TSG101: variants seen among roughly 807,000 people sequenced by gnomAD.
The protein encoded by TSG101 is tumor susceptibility 101.
A neutral mutation model predicts 48.5 loss-of-function variants in TSG101; 19 were observed. The observed-to-expected ratio is 0.39, with a 90% CI of 0.27 to 0.58. The LOEUF (loss-of-function observed/expected upper bound fraction) is 0.58, where lower values mean the gene tolerates loss of function less well. Among genes scored for constraint, TSG101 ranks in the 20% least tolerant of loss-of-function variants. The pLI is 0.55. For synonymous variants in TSG101, 174 were observed against 169.4 expected (o/e 1.03, Z -0.21); for missense variants, 365 against 484.4 (o/e 0.75, Z 2.31).
intron 4 of TSG101, among the ~76,000 whole-genome samples, 158 bp downstream of exon 4, chr11:18,514,520 A>G (rs1378436304): frequency 6.6e-6 from 1 of 152,250 alleles, no homozygotes; most frequent in Non-Finnish European, 1.5e-5. Flanking sequence ...CATTTCTTTT[A>G]GTCAGCCTTT....
intron 7 of TSG101, among the ~76,000 whole-genome samples, chr11:18,491,400 T>C (rs954985424): frequency 2.0e-5 from 3 of 152,140 alleles, no homozygotes; most frequent in African/African-American, 7.2e-5. Flanking sequence ...TATGACCAAG[T>C]CCTGATAAAA....
chr11:18,483,276 C>G (rs1849571132), intron 8 of TSG101, among the ~76,000 whole-genome samples: 1 of 152,054 alleles, frequency 6.6e-6, no homozygotes, highest in Admixed American at 6.6e-5. Context: ...GGGTGGATCA[C>G]CTGAGATCAG....
chr11:18,496,651 C>G (rs1849788328), intron 7 of TSG101, among the ~76,000 whole-genome samples: 1 of 151,896 alleles, frequency 6.6e-6, no homozygotes, highest in Non-Finnish European at 1.5e-5. Flanking sequence ...CAAAAATTAG[C>G]CGGGCATGGT....
chr11:18,494,931 T>G (rs1459383069), intron 7 of TSG101, among the ~76,000 whole-genome samples: 1 of 152,204 alleles, frequency 6.6e-6, no homozygotes, highest in Non-Finnish European at 1.5e-5. Flanking sequence ...TAAGCTCTCT[T>G]ATTTTTCTTC....
intron 1 of TSG101, among the ~76,000 whole-genome samples, chr11:18,523,494 A>ATTT (rs1436655894): frequency 4.6e-5 from 7 of 151,852 alleles, no homozygotes; most frequent in Non-Finnish European, 1.0e-4. Context: ...TCTTTATTTT[A>ATTT]TTATTTTTAT....
chr11:18,519,907 C>G (rs77467392), intron 1 of TSG101, among the ~76,000 whole-genome samples: 1 of 152,120 alleles, frequency 6.6e-6, no homozygotes, highest in Non-Finnish European at 1.5e-5. Context: ...CCATTAATAG[C>G]TTTTTAAAGA....
chr11:18,490,369 T>C (rs1036568582), intron 7 of TSG101: 9 of 604,482 alleles, frequency 1.5e-5, no homozygotes, highest in East Asian at 8.7e-5. Flanking sequence ...AATTCAGTAA[T>C]TGCTTCATCA....
chr11:18,502,863 ACAGCAT>A (rs1407368507), intron 6 of TSG101, among the ~76,000 whole-genome samples: 1 of 152,226 alleles, frequency 6.6e-6, no homozygotes, highest in Non-Finnish European at 1.5e-5. Context: ...GGACAATCCA[ACAGCAT>A]CAGAAGCAAC....
In TSG101 at chr11:18,516,032, C is replaced by T. The variant is rs992018702; in HGVS notation, c.193+67G>A. 6 of 1,424,872 alleles carry T rather than the reference C, an allele frequency of 4.2e-6. No individual in the cohort carries two copies. In the Admixed American group the frequency reaches 9.4e-5, roughly 22 times the overall value. 88.3% of individuals were successfully genotyped at this position (1,424,872 alleles called of 1,614,324 possible). A position where few individuals can be genotyped will look rare whatever the true frequency, so the allele number is the denominator to read the frequency against. Reference sequence around the variant, plus strand: ...GAAAGTAGGTTTAATTTGGTTATAACTCTTTGGCAACATATTTATTATGTA... The same window carrying T: ...GAAAGTAGGTTTAATTTGGTTATAATTCTTTGGCAACATATTTATTATGTA... On this transcript the variant is annotated intron_variant, in intron 3 of 9. Transcript: ENST00000251968.
chr11:18,487,769 C>T (rs1222027939), intron 7 of TSG101, among the ~76,000 whole-genome samples: 1 of 152,198 alleles, frequency 6.6e-6, no homozygotes, highest in Non-Finnish European at 1.5e-5. Flanking sequence ...AGTGGTGGCC[C>T]AGCTCATGCT....
chr11:18,493,266 A>T (rs1278775499), intron 7 of TSG101, among the ~76,000 whole-genome samples: 1 of 152,182 alleles, frequency 6.6e-6, no homozygotes, highest in Non-Finnish European at 1.5e-5. Flanking sequence ...GTATTAGGAA[A>T]CCAACACTCT....
intron 8 of TSG101, among the ~76,000 whole-genome samples, chr11:18,483,088 C>T (rs948498666): frequency 2.0e-5 from 3 of 152,046 alleles, no homozygotes; most frequent in African/African-American, 7.2e-5. Context: ...GTAATTGAAT[C>T]ATGGGAGCCG....
intron 7 of TSG101, among the ~76,000 whole-genome samples, chr11:18,488,507 T>C (rs1284818463): frequency 6.6e-6 from 1 of 152,166 alleles, no homozygotes; most frequent in Non-Finnish European, 1.5e-5. Flanking sequence ...CTAAAAAGCA[T>C]GATCAGGGCC....
At chr11:18,510,293 C>T (rs1026226106) in intron 4 of TSG101, among the ~76,000 whole-genome samples, 6 of 151,890 alleles carry the variant, frequency 4.0e-5, no homozygotes, top group East Asian at 1.9e-4. Context: ...TGGTGATGTG[C>T]GTCTATGGTC....
At chr11:18,481,537 T>C in intron 9 of TSG101, 93 bp downstream of exon 9, 7 of 1,519,078 alleles carry the variant, frequency 4.6e-6, no homozygotes, top group Non-Finnish European at 4.4e-6. Context: ...TCTTAATCCA[T>C]ACTACAAAGA....
At chr11:18,524,844 TA>T (rs928273974) in intron 1 of TSG101, among the ~76,000 whole-genome samples, 1 of 151,908 alleles carries the variant, frequency 6.6e-6, no homozygotes. Flanking sequence ...AATTAGGGTA[TA>T]AAAAATAAGC....
chr11:18,509,557 T>C lies in TSG101; in HGVS notation c.466A>G (p.Thr156Ala), dbSNP rs754887074. Residue 156 changes from threonine to alanine, a missense_variant, in exon 5 of 10, where the codon ACG becomes GCG. Transcript: ENST00000251968. ...TTCTACTTACTATTTGGTGGCCCCG[T>C]TGCCTGGTATGGCGGATAGGATGCC... ...ISASYPPYQA[T>A]GPPNTSYMPG... The C allele has an allele frequency of 9.9e-6, 16 of 1,613,492 alleles. No homozygotes were observed. Among genetic ancestry groups the C allele is most frequent in the Non-Finnish European group, 1.3e-5 (15 of 1,179,646 alleles).
chr11:18,487,331 C>T (rs1849634133), intron 7 of TSG101, among the ~76,000 whole-genome samples: 1 of 151,714 alleles, frequency 6.6e-6, no homozygotes, highest in African/African-American at 2.4e-5. Context: ...AAGAATACTA[C>T]CATAATTACC....
rs1160424288 is a variant in TSG101 at position 18,499,402 on chromosome 11, A to AT, written c.640+3083dup. Among the ~76,000 whole-genome samples, 22 of 5,454 alleles carry AT rather than the reference A, an allele frequency of 4.0e-3. 1 individual carries two copies. Among genetic ancestry groups the AT allele is most frequent in the South Asian group, 0.022 (2 of 92 alleles). The allele number at this position is 5,454 out of a possible 152,430, so 3.6% of individuals were successfully genotyped here. ...TTTAAATATATATATATATATATAT[A>AT]TTTTTTTTTTTTTTTTTTTTTTTCC... On this transcript the variant is annotated intron_variant, in intron 7 of 9. Transcript: ENST00000251968.
Sources: allele counts gnomAD v4.1 joint callset (sites outside exome capture counted in the v4.1 genomes callset), GRCh38; gene constraint gnomAD v4.1.1; transcripts MANE v1.5; gene names NCBI Gene and HGNC (gene_info 2026-07-23, HGNC 2026-07-21).